PAFAH1B1: variants seen among roughly 807,000 people sequenced by gnomAD.
PAFAH1B1 encodes platelet activating factor acetylhydrolase 1b regulatory subunit 1.
Under a neutral mutation model 57.5 loss-of-function variants are expected in PAFAH1B1, and 2 were observed. That is an observed-to-expected ratio of 0.03 (90% CI 0.01 to 0.11). The LOEUF is 0.11. PAFAH1B1 is among the 10% of genes least tolerant of loss of function. PAFAH1B1 has a pLI of 1.00. For synonymous variants in PAFAH1B1, 152 were observed against 169.6 expected, an observed-to-expected ratio of 0.90 and a Z score of 0.81; for missense variants, 257 against 512.0, an observed-to-expected ratio of 0.50 and a Z score of 4.81.
At chr17:2,621,607 C>CTTTTTTT (rs534219431) in intron 1 of PAFAH1B1, among the ~76,000 whole-genome samples, 1 of 84,762 alleles carries the variant, frequency 1.2e-5, no homozygotes, top group Non-Finnish European at 2.0e-5. Context: ...GATAATCTGT[C>CTTTTTTT]TTTTTTTTTT....
In PAFAH1B1 at chr17:2,625,650, G is replaced by A. The variant is rs1487920347; in HGVS notation, c.-190-12449G>A. ...TTAAGAACCATTTATTAGAGGCTGG[G>A]CATGGAGGCTCTTTCCTGTAATCTC... is the stretch of plus-strand genomic sequence containing the variant. On this transcript the variant is annotated intron_variant, in intron 1 of 10. Transcript: ENST00000397195. Among the ~76,000 whole-genome samples the A allele has an allele frequency of 2.0e-5, 3 of 152,310 alleles. No homozygotes were observed. The East Asian group carries it at 5.8e-4, about 29-fold the overall frequency.
chr17:2,664,722 AT>A (rs2069081032), intron 2 of PAFAH1B1, among the ~76,000 whole-genome samples: 1 of 147,470 alleles, frequency 6.8e-6, no homozygotes, highest in Non-Finnish European at 1.5e-5. Context: ...AGCCCAAAAC[AT>A]TTTTGGTCCC....
intron 2 of PAFAH1B1, among the ~76,000 whole-genome samples, chr17:2,646,730 C>G (rs2068774798): frequency 6.6e-6 from 1 of 152,056 alleles, no homozygotes; most frequent in Non-Finnish European, 1.5e-5. Context: ...AACATTGGTT[C>G]AAGAAATAGT....
intron 2 of PAFAH1B1, among the ~76,000 whole-genome samples, chr17:2,656,639 T>C (rs1158515335): frequency 6.6e-6 from 1 of 152,154 alleles, no homozygotes; most frequent in Non-Finnish European, 1.5e-5. Context: ...CCATCAACAA[T>C]TGGAAGCTAT....
chr17:2,613,844 C>T, intron 1 of PAFAH1B1: 1 of 253,286 alleles, frequency 3.9e-6, no homozygotes, highest in South Asian at 5.5e-5. Flanking sequence ...GAATCCGTAG[C>T]CTGGGATCTG....
At chr17:2,649,715 T>G (rs2068823249) in intron 2 of PAFAH1B1, among the ~76,000 whole-genome samples, 1 of 152,168 alleles carries the variant, frequency 6.6e-6, no homozygotes, top group Non-Finnish European at 1.5e-5. Flanking sequence ...CAATCAAAAT[T>G]CAAACTAAAT....
intron 2 of PAFAH1B1, among the ~76,000 whole-genome samples, chr17:2,653,953 C>T (rs12051777): frequency 0.58 from 87,846 of 151,686 alleles, 28,003 homozygotes; most frequent in East Asian, 0.88. Flanking sequence ...GGATTACAGG[C>T]GCGTGCCACC....
In PAFAH1B1 at chr17:2,683,110, T is replaced by C. The variant is rs1434107361; in HGVS notation, c.*1308T>C. 6.6e-6 allele frequency: 1 copy of C among 152,250 alleles called. No individual in the cohort carries two copies. The highest frequency in any genetic ancestry group is 2.4e-5 in the African/African-American group (1 of 41,466). The allele number at this position is 152,250 out of a possible 1,614,324, so 9.4% of individuals were successfully genotyped here. A position where few individuals can be genotyped will look rare whatever the true frequency, so the allele number is the denominator to read the frequency against. ...ACTAGGTCTGACTCTGGGGATTTTT[T>C]TCCAGCCGAAGGAAAATCACTTCCG... On this transcript the variant is annotated 3_prime_UTR_variant, in exon 11 of 11. Transcript: ENST00000397195.
chr17:2,681,500 C>T (rs999648742), intron 10 of PAFAH1B1: 1 of 513,978 alleles, frequency 1.9e-6, no homozygotes, highest in African/African-American at 1.9e-5. Context: ...GGGTCTTGCT[C>T]TGTCACCCAG....
chr17:2,658,530 A>C (rs12603072), intron 2 of PAFAH1B1, among the ~76,000 whole-genome samples: 43,460 of 152,056 alleles, frequency 0.29, 6,515 homozygotes, highest in East Asian at 0.42. Flanking sequence ...TTTTGTTGCA[A>C]CTGTGGGCTG....
chr17:2,602,023 A>G (rs2068149770), intron 1 of PAFAH1B1, among the ~76,000 whole-genome samples: 1 of 152,254 alleles, frequency 6.6e-6, no homozygotes, highest in South Asian at 2.1e-4. Flanking sequence ...AATTGGAAAT[A>G]ACAGAATTAA....
intron 1 of PAFAH1B1, among the ~76,000 whole-genome samples, chr17:2,618,294 A>G (rs2151620551): frequency 2.0e-5 from 3 of 152,338 alleles, no homozygotes; most frequent in Middle Eastern, 6.8e-3. Context: ...TGTGAATGGG[A>G]AAAGTCTAAA....
intron 1 of PAFAH1B1, among the ~76,000 whole-genome samples, chr17:2,637,780 AAGAG>A (rs932619577): frequency 2.6e-5 from 4 of 152,190 alleles, no homozygotes; most frequent in Non-Finnish European, 4.4e-5. Context: ...TTTTGTCTCT[AAGAG>A]AGAATTACAT....
chr17:2,600,761 G>C (rs989237466), intron 1 of PAFAH1B1, among the ~76,000 whole-genome samples: 1 of 151,742 alleles, frequency 6.6e-6, no homozygotes, highest in African/African-American at 2.4e-5. Context: ...ACGGACTCTC[G>C]CTGTGTTGCC....
chr17:2,598,596 T>C (rs183263180), intron 1 of PAFAH1B1, among the ~76,000 whole-genome samples: 1 of 151,996 alleles, frequency 6.6e-6, no homozygotes, highest in Non-Finnish European at 1.5e-5. Context: ...GTACAACTAT[T>C]ACTTTTTTTT....
intron 1 of PAFAH1B1, among the ~76,000 whole-genome samples, chr17:2,595,738 A>G (rs1282682559): frequency 6.6e-6 from 1 of 152,212 alleles, no homozygotes; most frequent in East Asian, 1.9e-4. Flanking sequence ...GAAGGGGGGA[A>G]TCTCCTAAAA....
chr17:2,595,435 T>TTTTTC lies in PAFAH1B1; in HGVS notation c.-191+1431_-191+1432insTTCTT, dbSNP rs1188566045. ...AGGAGTGTTTGCTTTTTTTTTTTTTTTTGCTGCAGCAGGGCGGCTTAATTG... is the reference window on the plus strand; with the variant it reads ...AGGAGTGTTTGCTTTTTTTTTTTTTTTTTTCTTGCTGCAGCAGGGCGGCTTAATTG... On this transcript the variant is annotated intron_variant, in intron 1 of 10. Transcript: ENST00000397195. 0.022 allele frequency among the ~76,000 whole-genome samples: 3,270 copies of TTTTTC among 150,950 alleles called. 172 individuals carry two copies. The highest frequency in any genetic ancestry group is 0.077 in the African/African-American group (3,116 of 40,640).
chr17:2,608,371 A>G (rs1260142374), intron 1 of PAFAH1B1, among the ~76,000 whole-genome samples: 5 of 152,246 alleles, frequency 3.3e-5, no homozygotes, highest in African/African-American at 9.6e-5. Context: ...GGCGTGAGCC[A>G]TCACACCTGG....
chr17:2,654,881 G>C (rs1167892669), intron 2 of PAFAH1B1, among the ~76,000 whole-genome samples: 1 of 151,444 alleles, frequency 6.6e-6, no homozygotes, highest in Non-Finnish European at 1.5e-5. Flanking sequence ...GGCTCAAGCA[G>C]TCTGCCTGCC....
Sources: gnomAD v4.1 joint callset for allele counts (sites outside exome capture counted in the v4.1 genomes callset) on GRCh38, gnomAD v4.1.1 for gene constraint, MANE v1.5 for transcripts, NCBI Gene and HGNC (gene_info 2026-07-23, HGNC 2026-07-21) for gene names.